Variants in TRAPPC9 observed in about 807,000 individuals in gnomAD.
TRAPPC9 encodes the protein IKK2 binding protein.
TRAPPC9 carries 83 observed loss-of-function variants against 124.0 expected under a neutral mutation model. The observed-to-expected ratio is 0.67, with a 90% CI of 0.56 to 0.80. The LOEUF (loss-of-function observed/expected upper bound fraction) is 0.80. Among genes scored for constraint, TRAPPC9 ranks in the 30% least tolerant of loss-of-function variants. TRAPPC9 has a pLI of 0.00. For synonymous variants in TRAPPC9, 638 were observed against 617.5 expected, an observed-to-expected ratio of 1.03 and a Z score of -0.49; for missense variants, 1,302 against 1,508.3, an observed-to-expected ratio of 0.86 and a Z score of 2.27.
intron 21 of TRAPPC9, among the ~76,000 whole-genome samples, chr8:139,869,443 C>T (rs1828755838): frequency 6.6e-6 from 1 of 152,284 alleles, no homozygotes; most frequent in East Asian, 1.9e-4. Context: ...TATCATGGGA[C>T]ACACACATGT....
At chr8:140,286,593 C>T (rs76297417) in intron 13 of TRAPPC9, among the ~76,000 whole-genome samples, 182 of 152,102 alleles carry the variant, frequency 1.2e-3, no homozygotes, top group African/African-American at 4.2e-3. Context: ...TGACAGACAG[C>T]GAGGGTCAGG....
At chr8:139,919,868 C>T (rs1832400935) in intron 19 of TRAPPC9, among the ~76,000 whole-genome samples, 2 of 152,218 alleles carry the variant, frequency 1.3e-5, no homozygotes, top group African/African-American at 4.8e-5. Context: ...CCTGGTTTTA[C>T]CCTTCATGAC....
chr8:140,183,937 GAGAGGAGAGGAGAGGGGA>G (rs1563826021), intron 17 of TRAPPC9, among the ~76,000 whole-genome samples: 2 of 55,894 alleles, frequency 3.6e-5, no homozygotes, highest in African/African-American at 1.0e-4. Flanking sequence ...GAGAGGAGAG[GAGAGGAGAGGAGAGGGGA>G]GGGGAGGGAG....
intron 17 of TRAPPC9, among the ~76,000 whole-genome samples, chr8:140,157,524 T>C (rs1409827838): frequency 6.6e-6 from 1 of 152,204 alleles, no homozygotes; most frequent in East Asian, 1.9e-4. Context: ...ACAATGAGAT[T>C]CCATGTAACA....
chr8:140,121,423 T>C (rs1405467333), intron 17 of TRAPPC9, among the ~76,000 whole-genome samples: 2 of 152,150 alleles, frequency 1.3e-5, no homozygotes, highest in African/African-American at 4.8e-5. Context: ...TTCAGAGCCA[T>C]GGGGAAATCA....
At chr8:139,974,706 C>T (rs918272016) in intron 19 of TRAPPC9, among the ~76,000 whole-genome samples, 10 of 152,084 alleles carry the variant, frequency 6.6e-5, no homozygotes, top group African/African-American at 1.4e-4. Context: ...CCCACTGTGC[C>T]GGCTCCTGCT....
rs548119124 is a variant in TRAPPC9, at chr8:140,385,494, A to C, written c.1134+12126T>G. On this transcript the variant is annotated intron_variant, in intron 7 of 22. Transcript: ENST00000438773. ...AAATGACAAAGGGGATATCACCACC[A>C]ATCCCACAGAAATACAAACTACCAT... Among the ~76,000 whole-genome samples, 25 of 152,244 alleles carry C rather than the reference A, an allele frequency of 1.6e-4. No homozygotes were observed. The South Asian group carries it at 1.7e-3, about 10-fold the overall frequency.
intron 21 of TRAPPC9, among the ~76,000 whole-genome samples, chr8:139,795,447 C>T (rs1436986942): frequency 6.6e-6 from 1 of 151,764 alleles, no homozygotes; most frequent in African/African-American, 2.4e-5. Context: ...ACCCTTCCAC[C>T]ACTTGCAGCC....
intron 21 of TRAPPC9, among the ~76,000 whole-genome samples, chr8:139,850,905 C>G (rs1473417): frequency 0.19 from 29,269 of 152,154 alleles, 2,940 homozygotes; most frequent in East Asian, 0.27. Flanking sequence ...CCTGATATGG[C>G]AGGATCAAGA....
intron 8 of TRAPPC9, among the ~76,000 whole-genome samples, chr8:140,370,732 C>T (rs1294926996): frequency 6.6e-6 from 1 of 152,190 alleles, no homozygotes; most frequent in Non-Finnish European, 1.5e-5. Flanking sequence ...AACTCAAAGG[C>T]AATTTCTGAC....
intron 9 of TRAPPC9, among the ~76,000 whole-genome samples, chr8:140,326,800 G>C (rs2066750201): frequency 1.3e-5 from 2 of 152,198 alleles, no homozygotes; most frequent in African/African-American, 4.8e-5. Context: ...AGGATCACTT[G>C]AGCCCAGGAG....
chr8:140,078,175 C>T (rs559134065), intron 17 of TRAPPC9, among the ~76,000 whole-genome samples: 7 of 152,158 alleles, frequency 4.6e-5, no homozygotes, highest in South Asian at 2.1e-4. Context: ...CTTTTCTCTG[C>T]GTTCAAATTG....
chr8:139,992,607 G>A (rs117815210), intron 18 of TRAPPC9, among the ~76,000 whole-genome samples: 1 of 150,804 alleles, frequency 6.6e-6, no homozygotes, highest in East Asian at 1.9e-4. Context: ...AAAGGGTTTT[G>A]TTAAAACAAT....
intron 17 of TRAPPC9, among the ~76,000 whole-genome samples, chr8:140,135,726 A>G (rs941434359): frequency 2.0e-5 from 3 of 152,258 alleles, no homozygotes; most frequent in African/African-American, 7.2e-5. Context: ...GTTGCATAAC[A>G]TGGTGAATGC....
At position 140,252,510 on chromosome 8, in the gene TRAPPC9, C is replaced by G. The variant is rs184859719; in HGVS notation, c.2431+267G>C. 269 of 421,668 alleles carry G rather than the reference C, an allele frequency of 6.4e-4. 4 individuals are homozygous for G. In the East Asian group the frequency reaches 0.011, roughly 18 times the overall value. The allele number at this position is 421,668 out of a possible 1,614,324, so 26.1% of individuals were successfully genotyped here. A position where few individuals can be genotyped will look rare whatever the true frequency, so the allele number is the denominator to read the frequency against. On this transcript the variant is annotated intron_variant, in intron 16 of 22. Transcript: ENST00000438773. This position sits in a 1 kb window ranked among gnomAD's most constrained non-coding sequence, Gnocchi z 4.2. ...GAAAAAACGCAGTAATTCCTACATT[C>G]CACTAATTTAGAATGACCTGCTGGT...
chr8:139,844,910 C>T (rs1011513801), intron 21 of TRAPPC9, among the ~76,000 whole-genome samples: 3 of 152,216 alleles, frequency 2.0e-5, no homozygotes, highest in Non-Finnish European at 4.4e-5. Context: ...CAGCCACCCC[C>T]ATGCTCCCAG....
At chr8:139,910,074 A>C (rs1831618336) in intron 20 of TRAPPC9, 73 bp downstream of exon 20, 2 of 1,541,950 alleles carry the variant, frequency 1.3e-6, no homozygotes, top group Non-Finnish European at 1.8e-6. Context: ...TAAGACCCTC[A>C]CGGGTCTTTC....
rs897078912 is a variant in TRAPPC9 at position 140,087,176 on chromosome 8, C to T, written c.2557-63097G>A. ...GCAGCTGTCATTTGCTCCTAAGCCA[C>T]GCCCCATGTTTCCAGCTTTTGAGCT... On this transcript the variant is annotated intron_variant, in intron 17 of 22. Coordinates refer to ENST00000438773, the MANE Select transcript of TRAPPC9 (RefSeq NM_001160372.4). The surrounding 1 kb of genome is among the most constrained non-coding windows in gnomAD (Gnocchi z 4.6). Among the ~76,000 whole-genome samples, 4 of 152,188 alleles carry T rather than the reference C, an allele frequency of 2.6e-5. No homozygotes were observed. Among genetic ancestry groups the T allele is most frequent in the Admixed American group, 6.5e-5 (1 of 15,274 alleles).
intron 20 of TRAPPC9, among the ~76,000 whole-genome samples, chr8:139,887,932 C>G (rs1830116073): frequency 6.6e-6 from 1 of 152,244 alleles, no homozygotes; most frequent in Non-Finnish European, 1.5e-5. Flanking sequence ...TTCAGCAGCA[C>G]AGCCCGTAGC....
Sources: allele counts gnomAD v4.1 joint callset (sites outside exome capture counted in the v4.1 genomes callset), GRCh38; gene constraint gnomAD v4.1.1; non-coding constraint Gnocchi (gnomAD v3.1); transcripts MANE v1.5; gene names NCBI Gene and HGNC (gene_info 2026-07-23, HGNC 2026-07-21).